ATP6V1C2: variants seen among roughly 807,000 people sequenced by gnomAD.
The protein encoded by ATP6V1C2 is V-type proton ATPase subunit C 2.
A neutral mutation model predicts 56.8 loss-of-function variants in ATP6V1C2; 45 were observed. The ratio of observed to expected loss-of-function variants is 0.79; its 90% CI spans 0.62 to 1.02. The LOEUF (loss-of-function observed/expected upper bound fraction) is 1.02. Among genes scored for constraint, ATP6V1C2 ranks in the 50% least tolerant of loss-of-function variants. The pLI is 0.00. For missense variants in ATP6V1C2, 463 were observed against 519.7 expected (o/e 0.89, Z 1.06); for synonymous variants, 220 against 201.3 (o/e 1.09, Z -0.79).
At chr2:10,774,716 CG>C in intron 8 of ATP6V1C2, 71 bp from the exon 9 acceptor site, 1 of 1,354,216 alleles carries the variant, frequency 7.4e-7, no homozygotes, top group Non-Finnish European at 1.1e-6. Context: ...CCACCAGGCC[CG>C]GGGCCTCTGA....
chr2:10,782,235 C>G lies in ATP6V1C2; in HGVS notation c.1062-8C>G. On this transcript the variant is annotated splice_region_variant and splice_polypyrimidine_tract_variant and intron_variant, in intron 12 of 13. Transcript: ENST00000272238. ...CAGTGAACTGACACATTTTGTCTAT[C>G]TGAAAAGGTATGGACTACCAGTGAA... is the stretch of plus-strand genomic sequence containing the variant. 3 of 1,613,632 alleles carry G rather than the reference C, an allele frequency of 1.9e-6. No individual in the cohort carries two copies. Among genetic ancestry groups the G allele is most frequent in the Non-Finnish European group, 1.7e-6 (2 of 1,179,830 alleles).
chr2:10,727,137 G>C (rs1026415580), intron 3 of ATP6V1C2, among the ~76,000 whole-genome samples: 1 of 149,922 alleles, frequency 6.7e-6, no homozygotes, highest in Non-Finnish European at 1.5e-5. Flanking sequence ...TGGTCTGATC[G>C]TGGCTCATTG....
intron 3 of ATP6V1C2, among the ~76,000 whole-genome samples, chr2:10,746,901 G>C (rs546698396): frequency 3.9e-5 from 6 of 152,190 alleles, no homozygotes; most frequent in Admixed American, 3.9e-4. Flanking sequence ...TTTTAAGTGG[G>C]GTTATATGCT....
At chr2:10,735,373 T>C (rs1452764183) in intron 3 of ATP6V1C2, among the ~76,000 whole-genome samples, 1 of 152,142 alleles carries the variant, frequency 6.6e-6, no homozygotes, top group Non-Finnish European at 1.5e-5. Flanking sequence ...TTTCACCATG[T>C]TGGCCAGGCT....
At chr2:10,723,796 G>A (rs1227222193) in intron 2 of ATP6V1C2, among the ~76,000 whole-genome samples, 2 of 143,902 alleles carry the variant, frequency 1.4e-5, no homozygotes, top group African/African-American at 2.6e-5. Context: ...CCGAGATTGC[G>A]CCACTGCACT....
intron 4 of ATP6V1C2, among the ~76,000 whole-genome samples, chr2:10,762,145 A>ATTTTTTT (rs569224455): frequency 7.2e-6 from 1 of 139,786 alleles, no homozygotes. Context: ...TGAAGCATAA[A>ATTTTTTT]TTTTTTTTTT....
intron 3 of ATP6V1C2, among the ~76,000 whole-genome samples, chr2:10,727,382 T>C (rs1004340474): frequency 2.8e-5 from 4 of 143,432 alleles, no homozygotes; most frequent in Non-Finnish European, 6.0e-5. Context: ...AAAGACCTTG[T>C]TTCTAAGAAA....
chr2:10,760,357 C>T (rs530008848), intron 4 of ATP6V1C2, among the ~76,000 whole-genome samples: 128 of 151,256 alleles, frequency 8.5e-4, no homozygotes, highest in African/African-American at 2.9e-3. Context: ...GGCGACAGAA[C>T]GAGATCCATT....
intron 10 of ATP6V1C2, 96 bp downstream of exon 10, chr2:10,775,167 T>C (rs1572612069): frequency 2.1e-6 from 2 of 932,560 alleles, no homozygotes; most frequent in Non-Finnish European, 3.5e-6. Flanking sequence ...CTCCCTCTCA[T>C]TGTCCCCAGG....
chr2:10,747,536 T>G (rs1186211150), intron 3 of ATP6V1C2, among the ~76,000 whole-genome samples: 3 of 152,132 alleles, frequency 2.0e-5, no homozygotes, highest in Non-Finnish European at 4.4e-5. Context: ...GTCTACAGAT[T>G]TCACTTGGAT....
chr2:10,758,633 G>A (rs1663694900), intron 4 of ATP6V1C2, among the ~76,000 whole-genome samples: 1 of 151,730 alleles, frequency 6.6e-6, no homozygotes, highest in Admixed American at 6.6e-5. Flanking sequence ...CACAGCATGT[G>A]CTATAAACCA....
rs371367362 is a variant in ATP6V1C2, at chr2:10,747,953, CA to C, written c.198-6027del. The stretch of plus-strand genomic sequence containing the variant: ...TTGGCTCACTGCAACCTCTGCCTCC[CA>C]GGCTCAAGCAATTTTCCTGCCTCAG... On this transcript the variant is annotated intron_variant, in intron 3 of 13. Transcript: ENST00000272238. 1.7e-3 allele frequency among the ~76,000 whole-genome samples: 258 copies of C among 152,210 alleles called. 1 individual carries two copies. Among genetic ancestry groups the C allele is most frequent in the African/African-American group, 5.7e-3 (235 of 41,518 alleles).
At chr2:10,728,753 C>T (rs953350284) in intron 3 of ATP6V1C2, among the ~76,000 whole-genome samples, 27 of 117,440 alleles carry the variant, frequency 2.3e-4, no homozygotes, top group Admixed American at 7.0e-4. Context: ...CCGGCCTGGG[C>T]GAAAGAGTGA....
intron 8 of ATP6V1C2, 57 bp downstream of exon 8, chr2:10,772,667 A>G (rs1270411598): frequency 1.4e-6 from 2 of 1,461,648 alleles, no homozygotes; most frequent in Non-Finnish European, 1.9e-6. Context: ...TGGGTGCTTC[A>G]GGGCACCCAA....
At chr2:10,740,889 G>T (rs879540492) in intron 3 of ATP6V1C2, among the ~76,000 whole-genome samples, 2 of 152,222 alleles carry the variant, frequency 1.3e-5, no homozygotes, top group Admixed American at 1.3e-4. Context: ...GTTTCACCAT[G>T]TTGGCCAGGC....
At chr2:10,746,563 C>T (rs1213427261) in intron 3 of ATP6V1C2, among the ~76,000 whole-genome samples, 1 of 152,044 alleles carries the variant, frequency 6.6e-6, no homozygotes, top group Non-Finnish European at 1.5e-5. Flanking sequence ...CAGGCGCCCA[C>T]CAGCACGCCA....
At chr2:10,750,306 CAG>C (rs775186457) in intron 3 of ATP6V1C2, among the ~76,000 whole-genome samples, 1 of 151,342 alleles carries the variant, frequency 6.6e-6, no homozygotes, top group Non-Finnish European at 1.5e-5. Context: ...TGCTTGAGCT[CAG>C]GGGTTTGAGA....
intron 4 of ATP6V1C2, among the ~76,000 whole-genome samples, chr2:10,761,565 G>A (rs1663907319): frequency 6.6e-6 from 1 of 152,168 alleles, no homozygotes; most frequent in African/African-American, 2.4e-5. Context: ...GAGTCAGCCT[G>A]GACTGCTGTC....
At chr2:10,776,464 G>T (rs1664995230) in intron 10 of ATP6V1C2, among the ~76,000 whole-genome samples, 1 of 152,164 alleles carries the variant, frequency 6.6e-6, no homozygotes, top group Admixed American at 6.5e-5. Flanking sequence ...AGTCTTCAGA[G>T]CAGGGCCCAC....
Sources: gnomAD v4.1 joint callset for allele counts (sites outside exome capture counted in the v4.1 genomes callset) on GRCh38, gnomAD v4.1.1 for gene constraint, MANE v1.5 for transcripts, NCBI Gene and HGNC (gene_info 2026-07-23, HGNC 2026-07-21) for gene names.